The following CPA6 variants were observed in gnomAD, a reference collection of about 807,000 sequenced individuals.
CPA6 encodes the protein carboxypeptidase A6.
CPA6 carries 58 observed loss-of-function variants against 63.3 expected under a neutral mutation model. That is an observed-to-expected ratio of 0.92 (90% confidence interval 0.74 to 1.14). The LOEUF (loss-of-function observed/expected upper bound fraction) is 1.14, where lower values mean the gene tolerates loss of function less well. Ranked by LOEUF, CPA6 falls within the 50% of genes most tolerant of loss-of-function variation. CPA6 has a pLI of 0.00. For synonymous variants in CPA6, 185 were observed against 179.0 expected, an observed-to-expected ratio of 1.03 and a Z score of -0.27; for missense variants, 565 against 526.6, an observed-to-expected ratio of 1.07 and a Z score of -0.71.
chr8:67,583,203 T>G (rs1813822584), intron 2 of CPA6, among the ~76,000 whole-genome samples: 1 of 152,154 alleles, frequency 6.6e-6, no homozygotes, highest in South Asian at 2.1e-4. Context: ...GCAGCTGCCT[T>G]GTGCAACTAT....
At chr8:67,680,327 C>A (rs1816565252) in intron 1 of CPA6, among the ~76,000 whole-genome samples, 1 of 151,860 alleles carries the variant, frequency 6.6e-6, no homozygotes, top group South Asian at 2.1e-4. Flanking sequence ...CATTGGGAGA[C>A]CCCATTTCTA....
intron 8 of CPA6, among the ~76,000 whole-genome samples, chr8:67,475,893 T>TCTTTCTC (rs1811212086): frequency 1.3e-5 from 1 of 74,390 alleles, no homozygotes; most frequent in Admixed American, 1.4e-4. Context: ...TTTCTTTCTT[T>TCTTTCTC]CTTTCTTTCT....
chr8:67,529,970 G>GTTTC (rs1812444714), intron 2 of CPA6, among the ~76,000 whole-genome samples: 1 of 152,140 alleles, frequency 6.6e-6, no homozygotes. Flanking sequence ...AAACAGAAAA[G>GTTTC]AGTTTTGTGG....
chr8:67,643,655 T>C (rs543540253), intron 1 of CPA6, among the ~76,000 whole-genome samples: 36 of 152,226 alleles, frequency 2.4e-4, no homozygotes, highest in African/African-American at 8.2e-4. Context: ...CATGGGAGGA[T>C]TCAAATACCT....
intron 6 of CPA6, among the ~76,000 whole-genome samples, chr8:67,499,682 C>T (rs1811794140): frequency 6.6e-6 from 1 of 152,178 alleles, no homozygotes; most frequent in African/African-American, 2.4e-5. Flanking sequence ...TGAGCAGTCA[C>T]TAATCTGTTC....
intron 6 of CPA6, among the ~76,000 whole-genome samples, chr8:67,503,466 A>C (rs1811868451): frequency 7.3e-6 from 1 of 137,774 alleles, no homozygotes; most frequent in Non-Finnish European, 1.5e-5. Context: ...CCAGCTAATT[A>C]AATTTTTTTT....
intron 1 of CPA6, among the ~76,000 whole-genome samples, chr8:67,728,383 G>A (rs1817643925): frequency 6.6e-6 from 1 of 152,076 alleles, no homozygotes; most frequent in South Asian, 2.1e-4. Flanking sequence ...CCAACCTTCA[G>A]AGGGGGAGTG....
chr8:67,688,757 A>G (rs1816756441), intron 1 of CPA6, among the ~76,000 whole-genome samples: 3 of 152,118 alleles, frequency 2.0e-5, no homozygotes, highest in Non-Finnish European at 4.4e-5. Flanking sequence ...TGATTTTAAC[A>G]TTTCTTTATT....
At chr8:67,466,087 T>G (rs1178339686) in intron 8 of CPA6, among the ~76,000 whole-genome samples, 1 of 146,728 alleles carries the variant, frequency 6.8e-6, no homozygotes, top group Non-Finnish European at 1.5e-5. Context: ...GAGGCTTGTT[T>G]TTTTTTTTTT....
At chr8:67,551,447 G>A (rs1038199518) in intron 2 of CPA6, among the ~76,000 whole-genome samples, 1 of 152,146 alleles carries the variant, frequency 6.6e-6, no homozygotes, top group African/African-American at 2.4e-5. Flanking sequence ...TTTGAAATCA[G>A]GTAATGTGAA....
intron 2 of CPA6, among the ~76,000 whole-genome samples, chr8:67,599,573 C>T (rs1814439419): frequency 6.6e-6 from 1 of 152,192 alleles, no homozygotes. Context: ...CAGCTGTCTC[C>T]TGATCTGTTG....
At chr8:67,733,723 A>G (rs1817758759) in intron 1 of CPA6, among the ~76,000 whole-genome samples, 1 of 151,556 alleles carries the variant, frequency 6.6e-6, no homozygotes, top group African/African-American at 2.4e-5. Context: ...AATAGTGCTG[A>G]CTGAATACAC....
intron 2 of CPA6, among the ~76,000 whole-genome samples, chr8:67,535,761 T>C (rs1001854066): frequency 2.0e-5 from 3 of 152,234 alleles, no homozygotes; most frequent in Non-Finnish European, 4.4e-5. Flanking sequence ...TTTGGTGTTT[T>C]AGTCATGAAG....
chr8:67,715,596 A>G (rs1817361196), intron 1 of CPA6, among the ~76,000 whole-genome samples: 1 of 152,244 alleles, frequency 6.6e-6, no homozygotes, highest in Admixed American at 6.5e-5. Context: ...ACACTCGGTT[A>G]TTTCCAAAAC....
chr8:67,622,643 C>G (rs1234329647), intron 2 of CPA6, among the ~76,000 whole-genome samples: 1 of 152,136 alleles, frequency 6.6e-6, no homozygotes, highest in Non-Finnish European at 1.5e-5. Flanking sequence ...TGAAGGGGAA[C>G]ATGCCAAAGA....
intron 1 of CPA6, among the ~76,000 whole-genome samples, chr8:67,728,008 G>A (rs1817630624): frequency 3.3e-5 from 5 of 151,066 alleles, no homozygotes; most frequent in Admixed American, 3.3e-4. Flanking sequence ...AACCCAGGAG[G>A]CAGAGCTTGC....
chr8:67,699,390 C>T (rs935810918), intron 1 of CPA6, among the ~76,000 whole-genome samples: 1 of 151,890 alleles, frequency 6.6e-6, no homozygotes, highest in African/African-American at 2.4e-5. Flanking sequence ...CCCAGATCAC[C>T]CCACTGCACT....
chr8:67,657,630 A>G (rs1816017004), intron 1 of CPA6, among the ~76,000 whole-genome samples: 1 of 152,160 alleles, frequency 6.6e-6, no homozygotes, highest in Non-Finnish European at 1.5e-5. Flanking sequence ...CCTTCAGCAA[A>G]TGTCTGTTGA....
At chr8:67,473,107 T>C (rs1276456274) in intron 8 of CPA6, among the ~76,000 whole-genome samples, 4 of 152,230 alleles carry the variant, frequency 2.6e-5, no homozygotes, top group Non-Finnish European at 5.9e-5. Context: ...AATAGCTCTT[T>C]TTAGCAGTGT....
Sources: gnomAD v4.1 joint callset for allele counts (sites outside exome capture counted in the v4.1 genomes callset) on GRCh38, gnomAD v4.1.1 for gene constraint, MANE v1.5 for transcripts, NCBI Gene and HGNC (gene_info 2026-07-23, HGNC 2026-07-21) for gene names.